Variants in EPS8 observed in about 807,000 individuals in gnomAD.
EPS8 encodes the protein epidermal growth factor receptor kinase substrate 8.
Under a neutral mutation model 103.8 loss-of-function variants are expected in EPS8, and 42 were observed. The ratio of observed to expected loss-of-function variants is 0.40; its 90% CI spans 0.32 to 0.52. The LOEUF is 0.52. Ranked by LOEUF, EPS8 falls within the 20% of genes least tolerant of loss-of-function variation. The probability of loss-of-function intolerance (pLI) is 0.40; values close to 1 mark genes in which losing one functional copy is unlikely to be tolerated. For missense variants in EPS8, 969 were observed against 1,005.1 expected (o/e 0.96, Z 0.49); for synonymous variants, 344 against 344.6 (o/e 1.00, Z 0.02).
rs959228408 is a variant in EPS8, at chr12:15,784,919, G to C, written c.-22+4242C>G. Among the ~76,000 whole-genome samples the C allele has an allele frequency of 6.6e-6, 1 of 152,094 alleles. No individual in the cohort carries two copies. The highest frequency in any genetic ancestry group is 1.5e-5 in the Non-Finnish European group (1 of 67,956). The stretch of plus-strand genomic sequence containing the variant: ...AACATCTGGAAAAGGCAAAAGTAAA[G>C]AGACAGTAAAAAGATACGTGGTTTT... On this transcript the variant is annotated intron_variant, in intron 1 of 20. Coordinates refer to ENST00000281172, the MANE Select transcript of EPS8 (RefSeq NM_004447.6). This position sits in a 1 kb window ranked among gnomAD's most constrained non-coding sequence, Gnocchi z 4.0.
rs1946863543 is a variant in EPS8, at chr12:15,745,160, C to T, written c.-22+44001G>A. Among the ~76,000 whole-genome samples, 1 of 152,158 alleles carries T rather than the reference C, an allele frequency of 6.6e-6. No individual in the cohort carries two copies. Among genetic ancestry groups the T allele is most frequent in the Admixed American group, 6.5e-5 (1 of 15,270 alleles). On this transcript the variant is annotated intron_variant, in intron 1 of 20. Coordinates refer to ENST00000281172, the MANE Select transcript of EPS8 (RefSeq NM_004447.6). The surrounding 1 kb of genome is among the most constrained non-coding windows in gnomAD (Gnocchi z 4.6). ...ATAGGCGTGAGCCACCATGCCTGGCCAATTGTCCATTATTTTTAACATTAT... is the reference window on the plus strand; with the variant it reads ...ATAGGCGTGAGCCACCATGCCTGGCTAATTGTCCATTATTTTTAACATTAT...
At position 15,787,345 on chromosome 12, in the gene EPS8, G is replaced by C. The variant is rs1947321709; in HGVS notation, c.-22+1816C>G. On this transcript the variant is annotated intron_variant, in intron 1 of 20. Coordinates refer to ENST00000281172, the MANE Select transcript of EPS8 (RefSeq NM_004447.6). This position sits in a 1 kb window ranked among gnomAD's most constrained non-coding sequence, Gnocchi z 4.9. ...ATAGAAAAGAACTGGTATCTGAAAAGAATCAGTATTGATAAAACCTTGAAA... is the reference window on the plus strand; with the variant it reads ...ATAGAAAAGAACTGGTATCTGAAAACAATCAGTATTGATAAAACCTTGAAA... Among the ~76,000 whole-genome samples the C allele has an allele frequency of 6.6e-6, 1 of 152,010 alleles. No homozygotes were observed. The highest frequency in any genetic ancestry group is 2.1e-4 in the South Asian group (1 of 4,822).
At chr12:15,740,248 T>A (rs1946806073) in intron 1 of EPS8, among the ~76,000 whole-genome samples, 1 of 152,104 alleles carries the variant, frequency 6.6e-6, no homozygotes, top group Non-Finnish European at 1.5e-5. Context: ...CTAAGTTCAC[T>A]AAATGGGAAA....
At chr12:15,654,115 C>G (rs1394232662) in intron 13 of EPS8, 30 bp downstream of exon 13, 3 of 1,600,640 alleles carry the variant, frequency 1.9e-6, no homozygotes, top group Non-Finnish European at 2.6e-6. Context: ...AAGAATGGTA[C>G]TTAAGGCATT....
In EPS8 at chr12:15,636,200, T is replaced by G. The variant is rs150433239; in HGVS notation, c.1821+4503A>C. 1.0e-3 allele frequency among the ~76,000 whole-genome samples: 154 copies of G among 152,228 alleles called. 1 individual carries two copies. The highest frequency in any genetic ancestry group is 3.5e-3 in the African/African-American group (147 of 41,546). On this transcript the variant is annotated intron_variant, in intron 17 of 20. Transcript: ENST00000281172. ...GCTTCCAGGTGGGGAGAAAGAACCC[T>G]GGATGTCCATCTGCTGCCCAGCTAA... is the stretch of plus-strand genomic sequence containing the variant.
intron 17 of EPS8, among the ~76,000 whole-genome samples, chr12:15,637,669 G>C (rs1945159892): frequency 6.6e-6 from 1 of 152,204 alleles, no homozygotes; most frequent in Non-Finnish European, 1.5e-5. Context: ...TGGCAGCATG[G>C]TGCAGGAATC....
chr12:15,725,135 C>G lies in EPS8; in HGVS notation c.-21-42163G>C, dbSNP rs1024180527. Among the ~76,000 whole-genome samples, 1 of 152,070 alleles carries G rather than the reference C, an allele frequency of 6.6e-6. No individual in the cohort carries two copies. Among genetic ancestry groups the G allele is most frequent in the Non-Finnish European group, 1.5e-5 (1 of 68,008 alleles). On this transcript the variant is annotated intron_variant, in intron 1 of 20. Coordinates refer to ENST00000281172, the MANE Select transcript of EPS8 (RefSeq NM_004447.6). The surrounding 1 kb of genome is among the most constrained non-coding windows in gnomAD (Gnocchi z 4.5). ...CATTCTGCATTCCAATAGGATACCA[C>G]CAGTCCACAGATCTGTGTCAATAAA... is the stretch of plus-strand genomic sequence containing the variant.
chr12:15,754,464 T>C (rs73316923), intron 1 of EPS8, among the ~76,000 whole-genome samples: 16,289 of 151,006 alleles, frequency 0.11, 2,871 homozygotes, highest in African/African-American at 0.37. Context: ...TAACATATTC[T>C]TGTTTTATTT....
Position 15,772,831 on chromosome 12 carries a change from G to A in EPS8, c.-22+16330C>T, listed in dbSNP as rs888862453. ...ACATACATTCATTCAGCAAATAGAC[G>A]GGTCTACAAAGTACCAGAAACCCTA... On this transcript the variant is annotated intron_variant, in intron 1 of 20. Transcript: ENST00000281172. The surrounding 1 kb of genome is among the most constrained non-coding windows in gnomAD (Gnocchi z 5.0). 1.3e-5 allele frequency among the ~76,000 whole-genome samples: 2 copies of A among 152,084 alleles called. No individual in the cohort carries two copies. The highest frequency in any genetic ancestry group is 2.9e-5 in the Non-Finnish European group (2 of 68,008).
In EPS8 at chr12:15,773,099, C is replaced by T. The variant is rs145605410; in HGVS notation, c.-22+16062G>A. The stretch of plus-strand genomic sequence containing the variant: ...TCAAGAATCTTAGGTGGAAACAAGA[C>T]AGAAATAAGGCAGCAGCAAAAGGAT... On this transcript the variant is annotated intron_variant, in intron 1 of 20. Coordinates refer to ENST00000281172, the MANE Select transcript of EPS8 (RefSeq NM_004447.6). Among the ~76,000 whole-genome samples, 247 of 152,098 alleles carry T rather than the reference C, an allele frequency of 1.6e-3. 1 individual carries two copies. The highest frequency in any genetic ancestry group is 4.3e-3 in the African/African-American group (179 of 41,486).
chr12:15,721,652 T>C lies in EPS8; in HGVS notation c.-21-38680A>G, dbSNP rs1040007703. On this transcript the variant is annotated intron_variant, in intron 1 of 20. Transcript: ENST00000281172. This position sits in a 1 kb window ranked among gnomAD's most constrained non-coding sequence, Gnocchi z 4.4. ...CATTTCTTGTGAAAGACAACAATCTTGTTTGCCTTTGTCTTGCGCATCAAG... is the reference window on the plus strand; with the variant it reads ...CATTTCTTGTGAAAGACAACAATCTCGTTTGCCTTTGTCTTGCGCATCAAG... Among the ~76,000 whole-genome samples the C allele has an allele frequency of 2.6e-5, 4 of 152,162 alleles. No homozygotes were observed. The highest frequency in any genetic ancestry group is 9.7e-5 in the African/African-American group (4 of 41,440).
rs1243747019 is a variant in EPS8 at position 15,641,986 on chromosome 12, A to C, written c.1569-156T>G. Among the ~76,000 whole-genome samples, 2 of 152,140 alleles carry C rather than the reference A, an allele frequency of 1.3e-5. 1 individual carries two copies. Among genetic ancestry groups the C allele is most frequent in the Middle Eastern group, 6.3e-3 (2 of 316 alleles). On this transcript the variant is annotated intron_variant, in intron 15 of 20. Coordinates refer to ENST00000281172, the MANE Select transcript of EPS8 (RefSeq NM_004447.6). ...TTTTACATTATGATAAATAAAAGTT[A>C]CTTTAAAGTTCTTGCTTTTAAAATG...
At chr12:15,659,955 T>C (rs1268053903) in intron 10 of EPS8, among the ~76,000 whole-genome samples, 1 of 152,232 alleles carries the variant, frequency 6.6e-6, no homozygotes, top group Non-Finnish European at 1.5e-5. Flanking sequence ...AATATGGTTC[T>C]AGTTTACAAC....
rs979050018 is a variant in EPS8 at position 15,787,034 on chromosome 12, T to C, written c.-22+2127A>G. ...CAACTCAGGAAAGCTGAGTTGTATA[T>C]AAATATTACATAAATCAGTGTTAAA... On this transcript the variant is annotated intron_variant, in intron 1 of 20. Transcript: ENST00000281172. This position sits in a 1 kb window ranked among gnomAD's most constrained non-coding sequence, Gnocchi z 4.9. Among the ~76,000 whole-genome samples, 1 of 152,176 alleles carries C rather than the reference T, an allele frequency of 6.6e-6. No individual in the cohort carries two copies. Among genetic ancestry groups the C allele is most frequent in the African/African-American group, 2.4e-5 (1 of 41,460 alleles).
chr12:15,710,764 C>T (rs1946451763), intron 1 of EPS8, among the ~76,000 whole-genome samples: 1 of 152,142 alleles, frequency 6.6e-6, no homozygotes, highest in Non-Finnish European at 1.5e-5. Flanking sequence ...GGATTGTTTA[C>T]ATTAGAAATA....
chr12:15,628,254 A>C (rs778314784), intron 18 of EPS8, among the ~76,000 whole-genome samples: 3 of 152,164 alleles, frequency 2.0e-5, no homozygotes, highest in Non-Finnish European at 2.9e-5. Context: ...AAGAATAAAA[A>C]ATAAAATGTA....
chr12:15,647,354 T>A (rs988074366), intron 14 of EPS8, 94 bp from the exon 15 acceptor site: 3 of 1,112,580 alleles, frequency 2.7e-6, no homozygotes, highest in African/African-American at 1.6e-5. Flanking sequence ...TATATTGTGA[T>A]AAGTTTTCAT....
Position 15,669,833 on chromosome 12 carries a change from T to A in EPS8, c.205-8A>T. 3 of 1,575,854 alleles carry A rather than the reference T, an allele frequency of 1.9e-6. No individual in the cohort carries two copies. The highest frequency in any genetic ancestry group is 2.6e-6 in the Non-Finnish European group (3 of 1,164,108). On this transcript the variant is annotated splice_polypyrimidine_tract_variant and splice_region_variant and intron_variant, in intron 4 of 20. Coordinates refer to ENST00000281172, the MANE Select transcript of EPS8 (RefSeq NM_004447.6). ...GACAAAGGTAGTCAAGTGCTTACAATTGGCAAAAAGGAAAAAGATTTATAA... is the reference window on the plus strand; with the variant it reads ...GACAAAGGTAGTCAAGTGCTTACAAATGGCAAAAAGGAAAAAGATTTATAA...
chr12:15,719,592 G>A (rs1161652608), intron 1 of EPS8, among the ~76,000 whole-genome samples: 1 of 152,312 alleles, frequency 6.6e-6, no homozygotes, highest in South Asian at 2.1e-4. Context: ...AATTGCCAGA[G>A]GACATATCAG....
Sources: allele counts gnomAD v4.1 joint callset (sites outside exome capture counted in the v4.1 genomes callset), GRCh38; gene constraint gnomAD v4.1.1; non-coding constraint Gnocchi (gnomAD v3.1); transcripts MANE v1.5; gene names NCBI Gene and HGNC (gene_info 2026-07-23, HGNC 2026-07-21).